The following THSD4 variants were observed in gnomAD, a reference collection of about 807,000 sequenced individuals.
THSD4 encodes thrombospondin type 1 domain containing 4.
THSD4 carries 69 observed loss-of-function variants against 119.0 expected under a neutral mutation model. That is an observed-to-expected ratio of 0.58 (90% CI 0.48 to 0.71). The LOEUF (loss-of-function observed/expected upper bound fraction) is 0.71, where lower values mean the gene tolerates loss of function less well. THSD4 is among the 30% of genes least tolerant of loss of function. THSD4 has a pLI of 0.00. For missense variants in THSD4, 1,393 were observed against 1,391.1 expected, an observed-to-expected ratio of 1.00 and a Z score of -0.02; for synonymous variants, 524 against 540.4, an observed-to-expected ratio of 0.97 and a Z score of 0.42.
At chr15:71,492,238 T>G (rs1427605062) in intron 7 of THSD4, among the ~76,000 whole-genome samples, 1 of 152,120 alleles carries the variant, frequency 6.6e-6, no homozygotes, top group Non-Finnish European at 1.5e-5. Context: ...TGGCTGTTCC[T>G]CGTCTTAGGT....
chr15:71,692,455 T>C (rs1343172742), intron 8 of THSD4, among the ~76,000 whole-genome samples: 1 of 152,110 alleles, frequency 6.6e-6, no homozygotes, highest in Non-Finnish European at 1.5e-5. Flanking sequence ...AGATTTTTTG[T>C]TTTTGTTTTG....
At chr15:71,609,278 A>G (rs2050174436) in intron 7 of THSD4, among the ~76,000 whole-genome samples, 1 of 152,224 alleles carries the variant, frequency 6.6e-6, no homozygotes, top group Admixed American at 6.5e-5. Context: ...AAGCCACTGC[A>G]GGACTTTCTA....
At chr15:71,470,399 C>CT (rs1449172353) in intron 7 of THSD4, among the ~76,000 whole-genome samples, 2 of 152,258 alleles carry the variant, frequency 1.3e-5, no homozygotes, top group East Asian at 3.9e-4. Flanking sequence ...ATATAAAGGT[C>CT]TTTTAAAACC....
At chr15:71,480,002 C>T (rs1215649447) in intron 7 of THSD4, among the ~76,000 whole-genome samples, 2 of 152,160 alleles carry the variant, frequency 1.3e-5, no homozygotes, top group African/African-American at 4.8e-5. Flanking sequence ...GAGATTCATG[C>T]TGGACATACA....
chr15:71,563,708 TATGTTA>T (rs1293599038), intron 7 of THSD4, among the ~76,000 whole-genome samples: 1 of 152,250 alleles, frequency 6.6e-6, no homozygotes, highest in African/African-American at 2.4e-5. Context: ...TCAGAATTTG[TATGTTA>T]ATGACCTTAG....
Position 71,242,842 on chromosome 15 carries a change from C to G in THSD4, c.658C>G (p.Gln220Glu). 6.2e-7 allele frequency: 1 copy of G among 1,614,252 alleles called. No individual in the cohort carries two copies. The change falls in exon 5 of 18, where the codon CAA becomes GAA. Residue 220 changes from glutamine to glutamate, a missense_variant. Gln to Glu is a conservative substitution (Grantham distance 29). Transcript: ENST00000261862. Reference sequence around the variant, plus strand: ...CAGTTCACCAGCCCACCAGGTCCCCCAACATGGGCCTTTGTACCAAAGTGA... The same window carrying G: ...CAGTTCACCAGCCCACCAGGTCCCCGAACATGGGCCTTTGTACCAAAGTGA... The part of the protein sequence containing the change: ...GYSSPAHQVP[Q>E]HGPLYQSDSG...
chr15:71,696,526 A>T (rs1186377771), intron 8 of THSD4, among the ~76,000 whole-genome samples: 1 of 152,226 alleles, frequency 6.6e-6, no homozygotes, highest in Non-Finnish European at 1.5e-5. Context: ...TGAAATGCAT[A>T]TTGAAACTAT....
chr15:71,170,739 A>G (rs953916710), intron 3 of THSD4, among the ~76,000 whole-genome samples: 1 of 152,220 alleles, frequency 6.6e-6, no homozygotes, highest in Non-Finnish European at 1.5e-5. Context: ...ATTGAAAGCA[A>G]TTCAGAACTG....
chr15:71,249,246 A>ACTTT (rs2044235384), intron 5 of THSD4, among the ~76,000 whole-genome samples: 1 of 152,064 alleles, frequency 6.6e-6, no homozygotes, highest in Non-Finnish European at 1.5e-5. Flanking sequence ...ATACACACAA[A>ACTTT]TATATACACA....
At chr15:71,676,777 A>G (rs1243129391) in intron 8 of THSD4, among the ~76,000 whole-genome samples, 1 of 152,206 alleles carries the variant, frequency 6.6e-6, no homozygotes, top group Admixed American at 6.5e-5. Flanking sequence ...TTCAAGATTC[A>G]TCCCTGTGGT....
chr15:71,676,867 G>A (rs1172683850), intron 8 of THSD4, among the ~76,000 whole-genome samples: 2 of 152,146 alleles, frequency 1.3e-5, no homozygotes, highest in Non-Finnish European at 2.9e-5. Flanking sequence ...GGGCACCTGG[G>A]CTGTTTCTCT....
At chr15:71,679,522 T>G (rs2141027600) in intron 8 of THSD4, among the ~76,000 whole-genome samples, 1 of 152,330 alleles carries the variant, frequency 6.6e-6, no homozygotes, top group South Asian at 2.1e-4. Context: ...TTTTGGTGGA[T>G]GGATAGGCTT....
chr15:71,474,853 T>A (rs1395494269), intron 7 of THSD4, among the ~76,000 whole-genome samples: 3 of 152,230 alleles, frequency 2.0e-5, no homozygotes, highest in Non-Finnish European at 2.9e-5. Context: ...CTCTCTTCCC[T>A]TGACTCACTG....
chr15:71,269,897 T>C (rs757893272), intron 6 of THSD4, among the ~76,000 whole-genome samples: 4 of 152,162 alleles, frequency 2.6e-5, no homozygotes, highest in African/African-American at 4.8e-5. Flanking sequence ...TTACAAGCGA[T>C]GTGAAGGACC....
At chr15:71,418,937 T>A (rs964294953) in intron 7 of THSD4, among the ~76,000 whole-genome samples, 2 of 108,382 alleles carry the variant, frequency 1.8e-5, no homozygotes, top group African/African-American at 6.2e-5. Context: ...TCATTTATTC[T>A]ACATTTTCCG....
chr15:71,274,719 A>T (rs1202746307), intron 6 of THSD4, among the ~76,000 whole-genome samples: 1 of 152,114 alleles, frequency 6.6e-6, no homozygotes, highest in Non-Finnish European at 1.5e-5. Context: ...AAGTCTTTCC[A>T]CTGGAAAATG....
rs114994794 is a variant in THSD4 at position 71,370,854 on chromosome 15, G to T, written c.1016-40833G>T. Among the ~76,000 whole-genome samples, 1,386 of 152,206 alleles carry T rather than the reference G, an allele frequency of 9.1e-3. 27 individuals are homozygous for T. The highest frequency in any genetic ancestry group is 0.031 in the African/African-American group (1,307 of 41,516). On this transcript the variant is annotated intron_variant, in intron 6 of 17. Transcript: ENST00000261862. ...ATATCCTTGTTAACTTTGTCTCGTC[G>T]ATCTGTCTGATGTTGACAGTGGGGT...
chr15:71,243,041 C>A lies in THSD4; in HGVS notation c.857C>A (p.Ser286Tyr). The A allele has an allele frequency of 6.2e-7, 1 of 1,614,216 alleles. No individual in the cohort carries two copies. The highest frequency in any genetic ancestry group is 1.1e-5 in the South Asian group (1 of 91,080). Reference protein sequence around the residue: ...ATQSFSQPARSTAISCIGAYR... With the variant: ...ATQSFSQPARYTAISCIGAYR... Reference sequence around the variant, plus strand: ...CAGAGCTTCTCTCAGCCTGCCCGATCTACAGCAATCTCATGCATCGGGGCC... The same window carrying A: ...CAGAGCTTCTCTCAGCCTGCCCGATATACAGCAATCTCATGCATCGGGGCC... Residue 286 changes from serine to tyrosine, a missense_variant, in exon 5 of 18, where the codon TCT becomes TAT. Physicochemically the swap from Ser to Tyr is moderately radical, Grantham distance 144. Coordinates refer to ENST00000261862, the MANE Select transcript of THSD4 (RefSeq NM_024817.3).
chr15:71,341,668 G>C, intron 6 of THSD4: 4 of 1,498,676 alleles, frequency 2.7e-6, no homozygotes, highest in Non-Finnish European at 3.7e-6. Flanking sequence ...CTCTTGATTT[G>C]CCTGATTTCG....
Sources: allele counts gnomAD v4.1 joint callset (sites outside exome capture counted in the v4.1 genomes callset), GRCh38; gene constraint gnomAD v4.1.1; transcripts MANE v1.5; gene names NCBI Gene and HGNC (gene_info 2026-07-23, HGNC 2026-07-21).